Variants in PCDHA9 observed in about 807,000 individuals in gnomAD.
PCDHA9 encodes the protein protocadherin alpha 9.
Under a neutral mutation model 62.0 loss-of-function variants are expected in PCDHA9, and 62 were observed. The observed-to-expected ratio is 1.00, with a 90% CI of 0.81 to 1.23. PCDHA9 has a LOEUF of 1.23. Among genes scored for constraint, PCDHA9 ranks in the 50% most tolerant of loss-of-function variants. The pLI, the probability that PCDHA9 is intolerant of heterozygous loss-of-function variation, is 0.00. For missense variants in PCDHA9, 1,205 were observed against 1,249.8 expected, an observed-to-expected ratio of 0.96 and a Z score of 0.54; for synonymous variants, 557 against 567.6, an observed-to-expected ratio of 0.98 and a Z score of 0.27.
At chr5:140,888,623 C>T (rs1456857060) in intron 1 of PCDHA9, among the ~76,000 whole-genome samples, 1 of 152,160 alleles carries the variant, frequency 6.6e-6, no homozygotes. Context: ...ACTAATTCGG[C>T]CTTCTATTAC....
intron 3 of PCDHA9, among the ~76,000 whole-genome samples, chr5:140,992,665 T>A (rs1219714191): frequency 2.6e-5 from 4 of 152,096 alleles, no homozygotes; most frequent in Non-Finnish European, 5.9e-5. Context: ...CTGATTGGTG[T>A]GTATGTGTGT....
intron 1 of PCDHA9, chr5:140,928,068 C>G: frequency 1.2e-6 from 2 of 1,614,214 alleles, no homozygotes; most frequent in South Asian, 2.2e-5. Context: ...CTTCCTTTGA[C>G]AACTACTACA....
At chr5:140,901,235 T>A (rs1554189665) in intron 1 of PCDHA9, among the ~76,000 whole-genome samples, 1 of 152,174 alleles carries the variant, frequency 6.6e-6, no homozygotes, top group African/African-American at 2.4e-5. Context: ...TATATCCATT[T>A]TTTTCCTTTG....
At chr5:140,854,461 G>A (rs1581342351) in intron 1 of PCDHA9, 1 of 149,954 alleles carries the variant, frequency 6.7e-6, no homozygotes, top group East Asian at 1.9e-4. Context: ...AGGCATTCCA[G>A]AGGAGTAGAG....
rs1554203742 is a variant in PCDHA9 at position 140,926,854 on chromosome 5, G to A, written c.2395-52095G>A. 10 of 1,520,530 alleles carry A rather than the reference G, an allele frequency of 6.6e-6. No homozygotes were observed. In the South Asian group the frequency reaches 1.3e-4, roughly 20 times the overall value. The allele number at this position is 1,520,530 out of a possible 1,614,324, so 94.2% of individuals were successfully genotyped here. On this transcript the variant is annotated intron_variant, in intron 1 of 3. Transcript: ENST00000532602. Reference sequence around the variant, plus strand: ...GGAGCATGGTCCTGGGTCACCGTTGGTGTAGCGTGTTGGTGGAACGTGGAC... The same window carrying A: ...GGAGCATGGTCCTGGGTCACCGTTGATGTAGCGTGTTGGTGGAACGTGGAC...
chr5:140,891,133 A>AAAGGT (rs1241650823), intron 1 of PCDHA9, among the ~76,000 whole-genome samples: 2 of 152,106 alleles, frequency 1.3e-5, no homozygotes, highest in Non-Finnish European at 1.5e-5. Context: ...TCATTCCTTT[A>AAAGGT]AAGGTATTCT....
At chr5:140,979,054 A>G (rs782082075) in intron 2 of PCDHA9, 47 bp downstream of exon 2, 6 of 1,607,592 alleles carry the variant, frequency 3.7e-6, no homozygotes, top group Non-Finnish European at 4.3e-6. Flanking sequence ...TTAACTTGGT[A>G]TGGCTCAGAT....
intron 1 of PCDHA9, among the ~76,000 whole-genome samples, chr5:140,888,097 G>T (rs536916138): frequency 3.3e-4 from 50 of 152,066 alleles, no homozygotes; most frequent in African/African-American, 1.2e-3. Context: ...TCCTTAGTTT[G>T]CTTCTTTTAA....
At chr5:140,999,319 T>G (rs2097853876) in intron 3 of PCDHA9, among the ~76,000 whole-genome samples, 1 of 152,236 alleles carries the variant, frequency 6.6e-6, no homozygotes, top group African/African-American at 2.4e-5. Flanking sequence ...TGACAGACAT[T>G]GATCTGTGTG....
intron 1 of PCDHA9, chr5:140,968,755 A>G: frequency 6.2e-7 from 1 of 1,614,200 alleles, no homozygotes. Flanking sequence ...TGGTGGTCCG[A>G]GATAATGGAG....
chr5:140,990,554 A>T (rs555586765), intron 3 of PCDHA9, among the ~76,000 whole-genome samples: 1 of 152,308 alleles, frequency 6.6e-6, no homozygotes, highest in East Asian at 1.9e-4. Context: ...GTATTACCCA[A>T]GAACACACAC....
At chr5:140,916,832 G>A (rs1286597127) in intron 1 of PCDHA9, among the ~76,000 whole-genome samples, 3 of 152,104 alleles carry the variant, frequency 2.0e-5, no homozygotes, top group East Asian at 1.9e-4. Context: ...TATCCCTCTG[G>A]TTCTGAGCCC....
chr5:140,869,919 A>G (rs1554163602), intron 1 of PCDHA9: 3 of 1,611,440 alleles, frequency 1.9e-6, no homozygotes. Flanking sequence ...GAGACGAAGG[A>G]GTCAATGGAG....
chr5:140,985,338 A>G (rs2153836548), intron 3 of PCDHA9, among the ~76,000 whole-genome samples: 1 of 152,280 alleles, frequency 6.6e-6, no homozygotes, highest in South Asian at 2.1e-4. Flanking sequence ...TCTCATTTGC[A>G]GGCCCAGATA....
rs1459131060 is a variant in PCDHA9 at position 140,876,463 on chromosome 5, G to A, written c.2394+25574G>A. On this transcript the variant is annotated intron_variant, in intron 1 of 3. Transcript: ENST00000532602. ...CATTGATAAAGGGATTCCTTCCATG[G>A]CAGGTCACAGCATGGTCCTGGTGGA... is the stretch of plus-strand genomic sequence containing the variant. 3.7e-6 allele frequency: 6 copies of A among 1,613,896 alleles called. No homozygotes were observed. In the African/African-American group the frequency reaches 6.7e-5, roughly 18 times the overall value.
chr5:140,876,055 G>A (rs782670279), intron 1 of PCDHA9: 2 of 1,613,934 alleles, frequency 1.2e-6, no homozygotes, highest in Non-Finnish European at 1.7e-6. Context: ...GCCTGAATTA[G>A]TTCTTCGGAA....
chr5:141,010,202 G>A lies in PCDHA9; in HGVS notation c.*265G>A, dbSNP rs1354578914. The A allele has an allele frequency of 2.5e-5, 39 of 1,551,826 alleles. No homozygotes were observed. The highest frequency in any genetic ancestry group is 3.1e-5 in the Non-Finnish European group (36 of 1,147,058). On this transcript the variant is annotated 3_prime_UTR_variant, in exon 4 of 4. Transcript: ENST00000532602. ...CAGACCCAAGTTTCCTTTCTCCTCCGCCGCAAAGGAGAGGCTTCCCAGCCC... is the reference window on the plus strand; with the variant it reads ...CAGACCCAAGTTTCCTTTCTCCTCCACCGCAAAGGAGAGGCTTCCCAGCCC...
At chr5:140,991,757 C>T (rs1554252410) in intron 3 of PCDHA9, among the ~76,000 whole-genome samples, 1 of 152,160 alleles carries the variant, frequency 6.6e-6, no homozygotes, top group African/African-American at 2.4e-5. Context: ...CTATCATGCT[C>T]TTCAAAATTC....
intron 1 of PCDHA9, among the ~76,000 whole-genome samples, chr5:140,888,291 A>G (rs539984108): frequency 9.2e-5 from 14 of 152,122 alleles, no homozygotes; most frequent in Admixed American, 5.2e-4. Flanking sequence ...TCTACCCCCT[A>G]CCCAGGAGAT....
Sources: allele counts gnomAD v4.1 joint callset (sites outside exome capture counted in the v4.1 genomes callset), GRCh38; gene constraint gnomAD v4.1.1; transcripts MANE v1.5; gene names NCBI Gene and HGNC (gene_info 2026-07-23, HGNC 2026-07-21).